Variants in AGAP2 observed in about 807,000 individuals in gnomAD.
The protein encoded by AGAP2 is ArfGAP with GTPase domain, ankyrin repeat and PH domain 2.
AGAP2 carries 32 observed loss-of-function variants against 110.9 expected under a neutral mutation model. The ratio of observed to expected loss-of-function variants is 0.29; its 90% CI spans 0.22 to 0.39. The LOEUF (loss-of-function observed/expected upper bound fraction) is 0.39, where lower values mean the gene tolerates loss of function less well. Among genes scored for constraint, AGAP2 ranks in the 10% least tolerant of loss-of-function variants. The pLI, the probability that AGAP2 is intolerant of heterozygous loss-of-function variation, is 1.00. For synonymous variants in AGAP2, 702 were observed against 713.0 expected, an observed-to-expected ratio of 0.98 and a Z score of 0.25; for missense variants, 1,285 against 1,638.5, an observed-to-expected ratio of 0.78 and a Z score of 3.72.
rs1044365070 is a variant in AGAP2 at position 57,730,583 on chromosome 12, G to A, written c.2340C>T (p.Pro780=). Reference sequence around the variant, plus strand: ...GTGGTGGCTGCAGGGAACTGGGGCTGGGGCTAGGGCTTGGCATGGGAGTAG... The same window carrying A: ...GTGGTGGCTGCAGGGAACTGGGGCTAGGGCTAGGGCTTGGCATGGGAGTAG... The part of the protein sequence containing the change: ...EATTPMPSPS[P]SPSSLQPPPD... The change falls in exon 12 of 19, where the codon CCC becomes CCT. Residue 780 remains proline (P), a synonymous_variant. Transcript: ENST00000547588. The A allele has an allele frequency of 6.2e-7, 1 of 1,613,988 alleles. No individual in the cohort carries two copies. Among genetic ancestry groups the A allele is most frequent in the Non-Finnish European group, 8.5e-7 (1 of 1,180,010 alleles).
At chr12:57,730,457 G>A in intron 12 of AGAP2, 38 bp downstream of exon 12, 1 of 1,611,120 alleles carries the variant, frequency 6.2e-7, no homozygotes, top group Middle Eastern at 1.7e-4. Flanking sequence ...TCCTATTTGG[G>A]TGTGGAAGAC....
chr12:57,726,831 C>T lies in AGAP2; in HGVS notation c.3337-37G>A. The T allele has an allele frequency of 2.1e-6, 3 of 1,433,046 alleles. No individual in the cohort carries two copies. Among genetic ancestry groups the T allele is most frequent in the South Asian group, 2.9e-5 (2 of 67,908 alleles). 88.8% of individuals were successfully genotyped at this position (1,433,046 alleles called of 1,614,324 possible). A position where few individuals can be genotyped will look rare whatever the true frequency, so the allele number is the denominator to read the frequency against. ...AAACGGCCGCGTGACCGCGCGTCCC[C>T]AGGGCGCCCACACCCGGCGCCGCCT... On this transcript the variant is annotated intron_variant, in intron 18 of 18. Transcript: ENST00000547588. This position sits in a 1 kb window ranked among gnomAD's most constrained non-coding sequence, Gnocchi z 5.7.
Position 57,725,893 on chromosome 12 carries a change from G to A in AGAP2, c.*659C>T, listed in dbSNP as rs571630150. On this transcript the variant is annotated 3_prime_UTR_variant, in exon 19 of 19. Coordinates refer to ENST00000547588, the MANE Select transcript of AGAP2 (RefSeq NM_001122772.3). Reference sequence around the variant, plus strand: ...GGACCCAGGCTCTTGGTTCCCCCCGGACTCTTTAGCTTCCACCCATGGGTA... The same window carrying A: ...GGACCCAGGCTCTTGGTTCCCCCCGAACTCTTTAGCTTCCACCCATGGGTA... 2 of 151,984 alleles carry A rather than the reference G, an allele frequency of 1.3e-5. No individual in the cohort carries two copies. The highest frequency in any genetic ancestry group is 2.9e-5 in the Non-Finnish European group (2 of 67,982). 9.4% of individuals were successfully genotyped at this position (151,984 alleles called of 1,614,324 possible).
At chr12:57,723,930 C>G (rs1298653232), downstream of AGAP2, 1 of 152,236 alleles carries the variant, frequency 6.6e-6, no homozygotes, top group Non-Finnish European at 1.5e-5. Flanking sequence ...AAGAAGGGAG[C>G]AAACTTTGGC....
At chr12:57,740,211 G>A (rs1345126647), upstream of AGAP2, among the ~76,000 whole-genome samples, 1 of 151,948 alleles carries the variant, frequency 6.6e-6, no homozygotes, top group Non-Finnish European at 1.5e-5. Context: ...CTGGTGGGGG[G>A]CTGAGGGTGG....
chr12:57,730,637 C>T lies in AGAP2; in HGVS notation c.2309-23G>A, dbSNP rs771958039. 76 of 1,609,488 alleles carry T rather than the reference C, an allele frequency of 4.7e-5. 1 individual carries two copies. The South Asian group carries it at 6.5e-4, about 14-fold the overall frequency. On this transcript the variant is annotated intron_variant, in intron 11 of 18. Transcript: ENST00000547588. The stretch of plus-strand genomic sequence containing the variant: ...CTTCTGTCGGAAGAAGATGAAACCT[C>T]AGTGAGCCTCTTTCTTCTGGCCCCA...
chr12:57,731,510 C>A (rs758242282), intron 9 of AGAP2, 40 bp from the exon 10 acceptor site: 1 of 1,613,974 alleles, frequency 6.2e-7, no homozygotes, highest in South Asian at 1.1e-5. Flanking sequence ...AAAAAGCCAA[C>A]TAAGACCAGC....
rs1047531571 is a variant in AGAP2, at chr12:57,726,960, C to G, written c.3336+14G>C. ...AGCCTCAAAGACCCCCTTTCCTCCC[C>G]CCAGCTCACGTACCCACAGCAGCAG... On this transcript the variant is annotated intron_variant, in intron 18 of 18. Transcript: ENST00000547588. The surrounding 1 kb of genome is among the most constrained non-coding windows in gnomAD (Gnocchi z 5.7). 6.5e-7 allele frequency: 1 copy of G among 1,539,882 alleles called. No homozygotes were observed. The highest frequency in any genetic ancestry group is 1.9e-5 in the Admixed American group (1 of 51,504).
At chr12:57,741,405 C>T (rs1007270442), upstream of AGAP2, among the ~76,000 whole-genome samples, 1 of 152,078 alleles carries the variant, frequency 6.6e-6, no homozygotes, top group Non-Finnish European at 1.5e-5. Context: ...AGTTAGTATG[C>T]GCTTGGGAGC....
intron 8 of AGAP2, 56 bp downstream of exon 8, chr12:57,731,753 G>A: frequency 6.4e-7 from 1 of 1,568,230 alleles, no homozygotes; most frequent in Non-Finnish European, 8.6e-7. Context: ...GACTAGGGAA[G>A]ATGGGCAGGT....
chr12:57,734,486 T>A, intron 3 of AGAP2, 82 bp from the exon 4 acceptor site: 2 of 1,588,514 alleles, frequency 1.3e-6, no homozygotes, highest in Non-Finnish European at 1.7e-6. Flanking sequence ...CTTTTGCTAT[T>A]ATGGCCTCAT....
intron 7 of AGAP2, 64 bp from the exon 8 acceptor site, chr12:57,732,031 A>G: frequency 2.6e-6 from 4 of 1,549,802 alleles, no homozygotes; most frequent in East Asian, 2.3e-5. Flanking sequence ...CTACACTCAT[A>G]TCTCGTTATG....
chr12:57,725,041 T>G (rs1474676379), downstream of AGAP2: 1 of 152,502 alleles, frequency 6.6e-6, no homozygotes, highest in Non-Finnish European at 1.5e-5. Context: ...CCAGAACTGT[T>G]GTACATGATG....
intron 16 of AGAP2, 45 bp from the exon 17 acceptor site, chr12:57,727,627 G>T (rs1334354181): frequency 6.3e-7 from 1 of 1,589,844 alleles, no homozygotes. Context: ...GGCAGCACAG[G>T]CACCCCGGCA....
intron 2 of AGAP2, 56 bp from the exon 3 acceptor site, chr12:57,734,735 T>C: frequency 6.5e-7 from 1 of 1,533,584 alleles, no homozygotes; most frequent in Non-Finnish European, 9.0e-7. Context: ...GCAGGATGCA[T>C]GGGTCTGGAC....
rs767240126 is a variant in AGAP2, at chr12:57,737,407, G to A, written c.840C>T (p.Asp280=). ...KGKSKTLDNS[D]LHPGPPAGSP... ...AGCCGGCAGGCGGTCCCGGATGCAA[G>A]TCACTGTTGTCCAAGGTCTTACTCT... Residue 280 remains aspartate, a synonymous_variant, in exon 1 of 19, where the codon GAC becomes GAT. Coordinates refer to ENST00000547588, the MANE Select transcript of AGAP2 (RefSeq NM_001122772.3). This position sits in a 1 kb window ranked among gnomAD's most constrained non-coding sequence, Gnocchi z 5.9. 1 of 1,613,830 alleles carries A rather than the reference G, an allele frequency of 6.2e-7. No homozygotes were observed. The highest frequency in any genetic ancestry group is 1.7e-5 in the Admixed American group (1 of 60,028).
rs746561939 is a variant in AGAP2 at position 57,738,187 on chromosome 12, G to A, written c.60C>T (p.Thr20=). 4 of 1,525,800 alleles carry A rather than the reference G, an allele frequency of 2.6e-6. No homozygotes were observed. In the East Asian group the frequency reaches 1.0e-4, roughly 38 times the overall value. 94.5% of individuals were successfully genotyped at this position (1,525,800 alleles called of 1,614,324 possible). A position where few individuals can be genotyped will look rare whatever the true frequency, so the allele number is the denominator to read the frequency against. Residue 20 remains threonine (T), a synonymous_variant, in exon 1 of 19, where the codon ACC becomes ACT. Coordinates refer to ENST00000547588, the MANE Select transcript of AGAP2 (RefSeq NM_001122772.3). This position sits in a 1 kb window ranked among gnomAD's most constrained non-coding sequence, Gnocchi z 6.7. ...RRTTTYLISL[T]LVKLESVPPP... ...GAGGCACCGACTCGAGCTTAACCAG[G>A]GTCAGCGAGATGAGGTAGGTCGTTG...
Position 57,727,040 on chromosome 12 carries a change from C to T in AGAP2, c.3270G>A (p.Gln1090=), listed in dbSNP as rs1406192348. The change falls in exon 18 of 19, where the codon CAG becomes CAA. Residue 1090 remains glutamine (Q), a synonymous_variant. Coordinates refer to ENST00000547588, the MANE Select transcript of AGAP2 (RefSeq NM_001122772.3). ...CCGCCAGGTGGAGTGGGGAGCGCAG[C>T]TGTGGGTCCTCTACGCTGGTGTCGA... The part of the protein sequence containing the change: ...GPLDTSVEDP[Q]LRSPLHLAAE... 6.2e-7 allele frequency: 1 copy of T among 1,608,812 alleles called. No homozygotes were observed. The highest frequency in any genetic ancestry group is 1.7e-5 in the Admixed American group (1 of 59,450).
intron 1 of AGAP2, 92 bp from the exon 2 acceptor site, chr12:57,735,519 A>AC (rs148173870): frequency 0.27 from 275,465 of 1,037,536 alleles, 17,117 homozygotes; most frequent in East Asian, 0.55. Context: ...CAGCTTTCCA[A>AC]CCCCCCCCCA....
Sources: allele counts gnomAD v4.1 joint callset (sites outside exome capture counted in the v4.1 genomes callset), GRCh38; gene constraint gnomAD v4.1.1; non-coding constraint Gnocchi (gnomAD v3.1); transcripts MANE v1.5; gene names NCBI Gene and HGNC (gene_info 2026-07-23, HGNC 2026-07-21).